Variants in HTD2 observed in about 807,000 individuals in gnomAD.
The protein encoded by HTD2 is hydroxyacyl-thioester dehydratase type 2, mitochondrial.
A neutral mutation model predicts 3.1 loss-of-function variants in HTD2; 1 was observed. The observed-to-expected ratio is 0.32, with a 90% CI of 0.11 to 1.52. The LOEUF (loss-of-function observed/expected upper bound fraction) is 1.52. Ranked by LOEUF, HTD2 falls within the 40% of genes most tolerant of loss-of-function variation. The pLI is 0.39. For synonymous variants in HTD2, 50 were observed against 28.9 expected, an observed-to-expected ratio of 1.73 and a Z score of -2.34; for missense variants, 150 against 79.6, an observed-to-expected ratio of 1.88 and a Z score of -3.36.
intron 2 of HTD2, among the ~76,000 whole-genome samples, chr3:58,312,317 A>G (rs912111577): frequency 7.3e-6 from 1 of 136,678 alleles, no homozygotes; most frequent in Non-Finnish European, 1.5e-5. Context: ...GCTGGAGTGC[A>G]GTGGCACAAC....
intron 4 of HTD2, among the ~76,000 whole-genome samples, chr3:58,317,204 C>A (rs561589669): frequency 6.6e-6 from 1 of 152,224 alleles, no homozygotes; most frequent in South Asian, 2.1e-4. Context: ...ATAAAACTTG[C>A]AACCCTGTGG....
At chr3:58,310,700 G>C in intron 2 of HTD2, 109 bp downstream of exon 2, 1 of 837,808 alleles carries the variant, frequency 1.2e-6, no homozygotes. Flanking sequence ...TGGAGGCCGA[G>C]GTGGGCAGAT....
Position 58,319,961 on chromosome 3 carries a change from T to G in HTD2, c.*1841T>G, listed in dbSNP as rs1245369554. On this transcript the variant is annotated 3_prime_UTR_variant, in exon 5 of 5. Transcript: ENST00000461393. ...ATTTTTCATCACCCCCAAAAGAACC[T>G]CCCATTAGCAGTCAATCCATTTCTC... 1.3e-5 allele frequency: 2 copies of G among 152,130 alleles called. No homozygotes were observed. The highest frequency in any genetic ancestry group is 4.8e-5 in the African/African-American group (2 of 41,420). The allele number at this position is 152,130 out of a possible 1,614,324, so 9.4% of individuals were successfully genotyped here. A position where few individuals can be genotyped will look rare whatever the true frequency, so the allele number is the denominator to read the frequency against.
At chr3:58,311,324 T>G (rs2097482031) in intron 2 of HTD2, among the ~76,000 whole-genome samples, 1 of 152,162 alleles carries the variant, frequency 6.6e-6, no homozygotes, top group South Asian at 2.1e-4. Context: ...CCAACTAATT[T>G]TTGTATTTTT....
chr3:58,311,762 A>C (rs2107502836), intron 2 of HTD2, among the ~76,000 whole-genome samples: 1 of 151,460 alleles, frequency 6.6e-6, no homozygotes, highest in South Asian at 2.1e-4. Flanking sequence ...TGACAGCATG[A>C]GCCACTATGC....
chr3:58,316,461 G>A (rs979255910), intron 2 of HTD2, 54 bp from the exon 3 acceptor site: 2 of 1,483,060 alleles, frequency 1.3e-6, no homozygotes, highest in African/African-American at 1.4e-5. Flanking sequence ...AAGTTGACAA[G>A]CATTCAAGAA....
Position 58,316,596 on chromosome 3 carries a change from G to T in HTD2, c.-254+5G>T. On this transcript the variant is annotated splice_donor_5th_base_variant and intron_variant, in intron 3 of 4. Transcript: ENST00000461393. ...CATCTTGAGAATATGTAGCAGGTAT[G>T]ACAGAGAGTGGGAAATTTCTAGTAT... is the stretch of plus-strand genomic sequence containing the variant. 1.2e-6 allele frequency: 2 copies of T among 1,612,064 alleles called. No individual in the cohort carries two copies. Among genetic ancestry groups the T allele is most frequent in the South Asian group, 2.2e-5 (2 of 91,010 alleles).
upstream of HTD2, chr3:58,306,289 G>A (rs1258709543): frequency 1.3e-5 from 2 of 152,336 alleles, no homozygotes; most frequent in Non-Finnish European, 2.9e-5. Flanking sequence ...ACGAGGAGAA[G>A]CCAAACGTAA....
rs1422980750 is a variant in HTD2 at position 58,317,424 on chromosome 3, T to C, written c.-174-16T>C. ...TGGTTTCTCCCAATGCCTTAACCTTTTTCTTTCTCTTCTAGGTTTCTCCAT... is the reference window on the plus strand; with the variant it reads ...TGGTTTCTCCCAATGCCTTAACCTTCTTCTTTCTCTTCTAGGTTTCTCCAT... On this transcript the variant is annotated splice_polypyrimidine_tract_variant and intron_variant, in intron 4 of 4. Transcript: ENST00000461393. 6.4e-7 allele frequency: 1 copy of C among 1,574,026 alleles called. No individual in the cohort carries two copies. Among genetic ancestry groups the C allele is most frequent in the East Asian group, 2.2e-5 (1 of 44,722 alleles).
intron 4 of HTD2, 150 bp from the exon 5 acceptor site, chr3:58,317,290 C>T: frequency 1.6e-6 from 1 of 618,722 alleles, no homozygotes; most frequent in South Asian, 2.1e-5. Flanking sequence ...GAGATGTGAC[C>T]ACTTGTTATC....
chr3:58,310,375 C>G, intron 1 of HTD2, 132 bp from the exon 2 acceptor site: 5 of 1,614,152 alleles, frequency 3.1e-6, no homozygotes, highest in Non-Finnish European at 4.2e-6. Flanking sequence ...TTACAAAAAC[C>G]CTTCCGAGTA....
At chr3:58,310,686 A>T in intron 2 of HTD2, 95 bp downstream of exon 2, 1 of 1,023,956 alleles carries the variant, frequency 9.8e-7, no homozygotes, top group Non-Finnish European at 1.5e-6. Flanking sequence ...TAATCCCAGC[A>T]CTTTGGAGGC....
At chr3:58,307,609 C>T (rs944346013) in intron 1 of HTD2, among the ~76,000 whole-genome samples, 14 of 152,134 alleles carry the variant, frequency 9.2e-5, no homozygotes, top group Admixed American at 7.9e-4. Flanking sequence ...GCCTGTAATC[C>T]CAGCTACTCA....
intron 2 of HTD2, among the ~76,000 whole-genome samples, chr3:58,316,045 A>T (rs529166809): frequency 8.5e-5 from 13 of 152,338 alleles, no homozygotes; most frequent in African/African-American, 1.2e-4. Flanking sequence ...TTTAAAAAAA[A>T]ATATCCCTGT....
At chr3:58,309,405 CTAAGGCATGT>C (rs1219470205) in intron 1 of HTD2, among the ~76,000 whole-genome samples, 3 of 152,104 alleles carry the variant, frequency 2.0e-5, no homozygotes, top group Admixed American at 2.0e-4. Context: ...TGAAGACAAG[CTAAGGCATGT>C]GAAATGTTTA....
In HTD2 at chr3:58,319,277, G is replaced by A. The variant is rs1048426800; in HGVS notation, c.*1157G>A. ...ACCTTCAGTGAGACTTGCGTTTCAGGGGAGGGGCGTATGTGCATCCTCGGT... is the reference window on the plus strand; with the variant it reads ...ACCTTCAGTGAGACTTGCGTTTCAGAGGAGGGGCGTATGTGCATCCTCGGT... On this transcript the variant is annotated 3_prime_UTR_variant, in exon 5 of 5. Coordinates refer to ENST00000461393, the MANE Select transcript of HTD2 (RefSeq NM_001348712.2). 1 of 152,182 alleles carries A rather than the reference G, an allele frequency of 6.6e-6. No individual in the cohort carries two copies. The highest frequency in any genetic ancestry group is 2.4e-5 in the African/African-American group (1 of 41,422). The allele number at this position is 152,182 out of a possible 1,614,324, so 9.4% of individuals were successfully genotyped here. A position where few individuals can be genotyped will look rare whatever the true frequency, so the allele number is the denominator to read the frequency against.
chr3:58,312,929 C>T (rs2097483864), intron 2 of HTD2, among the ~76,000 whole-genome samples: 1 of 146,034 alleles, frequency 6.8e-6, no homozygotes, highest in African/African-American at 2.6e-5. Context: ...CCACTGCATT[C>T]CAGCCTGGGC....
chr3:58,312,051 G>A (rs932335358), intron 2 of HTD2, among the ~76,000 whole-genome samples: 22 of 151,454 alleles, frequency 1.5e-4, no homozygotes, highest in African/African-American at 5.3e-4. Context: ...TACTTGTAGA[G>A]GCAAGGTCTC....
Position 58,319,897 on chromosome 3 carries a change from C to T in HTD2, c.*1777C>T, listed in dbSNP as rs1324672724. 6.6e-6 allele frequency: 1 copy of T among 152,112 alleles called. No homozygotes were observed. The highest frequency in any genetic ancestry group is 1.5e-5 in the Non-Finnish European group (1 of 68,018). The allele number at this position is 152,112 out of a possible 1,614,324, so 9.4% of individuals were successfully genotyped here. On this transcript the variant is annotated 3_prime_UTR_variant, in exon 5 of 5. Coordinates refer to ENST00000461393, the MANE Select transcript of HTD2 (RefSeq NM_001348712.2). ...AGTTTAGTGGTTTTCAGAATATCCA[C>T]AAAGTTGTACAACCATCACCAAATC...
Sources: allele counts gnomAD v4.1 joint callset (sites outside exome capture counted in the v4.1 genomes callset), GRCh38; gene constraint gnomAD v4.1.1; transcripts MANE v1.5; gene names NCBI Gene and HGNC (gene_info 2026-07-23, HGNC 2026-07-21).